Variants in DISC1 observed in about 807,000 individuals in gnomAD.
The protein encoded by DISC1 is DISC1 scaffold protein, also known as disrupted in schizophrenia 1 protein.
DISC1 carries 57 observed loss-of-function variants against 84.5 expected under a neutral mutation model. That is an observed-to-expected ratio of 0.67 (90% CI 0.55 to 0.84). The LOEUF is 0.84. Ranked by LOEUF, DISC1 falls within the 40% of genes least tolerant of loss-of-function variation. The pLI, the probability that DISC1 is intolerant of heterozygous loss-of-function variation, is 0.00. For missense variants in DISC1, 1,000 were observed against 1,057.8 expected, an observed-to-expected ratio of 0.95 and a Z score of 0.76; for synonymous variants, 411 against 415.2, an observed-to-expected ratio of 0.99 and a Z score of 0.12.
chr1:231,892,971 G>A (rs1399645246), intron 9 of DISC1, among the ~76,000 whole-genome samples: 3 of 152,034 alleles, frequency 2.0e-5, no homozygotes, highest in East Asian at 1.9e-4. Context: ...AGACTAGCCT[G>A]GCCAAAATGG....
At chr1:231,756,501 C>G (rs1481846460) in intron 4 of DISC1, among the ~76,000 whole-genome samples, 2 of 144,386 alleles carry the variant, frequency 1.4e-5, no homozygotes, top group South Asian at 4.4e-4. Context: ...GGTTCACAAA[C>G]GTATATGTGA....
At chr1:231,796,516 T>C (rs1474809539) in intron 7 of DISC1, among the ~76,000 whole-genome samples, 1 of 151,968 alleles carries the variant, frequency 6.6e-6, no homozygotes, top group Non-Finnish European at 1.5e-5. Flanking sequence ...AGGGATGTGA[T>C]GTTGGCAAAA....
intron 9 of DISC1, among the ~76,000 whole-genome samples, chr1:231,850,457 G>GTCC (rs1456263941): frequency 6.6e-6 from 1 of 152,232 alleles, no homozygotes; most frequent in Non-Finnish European, 1.5e-5. Flanking sequence ...TCTCTCACAT[G>GTCC]TCCTTGGGGT....
intron 6 of DISC1, among the ~76,000 whole-genome samples, chr1:231,788,539 A>G (rs995365296): frequency 6.6e-6 from 1 of 152,202 alleles, no homozygotes. Flanking sequence ...CTGCAGTCAC[A>G]TTCTGAGGTA....
At chr1:231,817,588 T>C (rs1444046070) in intron 8 of DISC1, among the ~76,000 whole-genome samples, 2 of 152,240 alleles carry the variant, frequency 1.3e-5, no homozygotes, top group Admixed American at 6.5e-5. Flanking sequence ...TAGTTTTCAC[T>C]GTAGAGCTCT....
chr1:231,654,017 G>A (rs1166988420), intron 1 of DISC1, among the ~76,000 whole-genome samples: 12 of 152,210 alleles, frequency 7.9e-5, no homozygotes, highest in Non-Finnish European at 2.9e-5. Context: ...GAGGGTGGGA[G>A]AACTTTCTTG....
chr1:231,663,000 GAAAC>G (rs1330686027), intron 1 of DISC1, among the ~76,000 whole-genome samples: 1 of 150,830 alleles, frequency 6.6e-6, no homozygotes, highest in African/African-American at 2.4e-5. Flanking sequence ...CAAAACAAAA[GAAAC>G]AAACAAGCAA....
At position 231,652,590 on chromosome 1, in the gene DISC1, G is replaced by T. The variant is rs186596122; in HGVS notation, c.67+25656G>T. ...AAAAATGTATGGGAGAAGATGAAAT[G>T]ATCACTGAAGTCACATATTCCTCAC... On this transcript the variant is annotated intron_variant, in intron 1 of 12. Coordinates refer to ENST00000439617, the MANE Select transcript of DISC1 (RefSeq NM_018662.3). Among the ~76,000 whole-genome samples the T allele has an allele frequency of 7.2e-4, 109 of 152,288 alleles. 1 individual carries two copies. Among genetic ancestry groups the T allele is most frequent in the African/African-American group, 2.5e-3 (102 of 41,568 alleles).
At chr1:231,738,368 C>T (rs1470887717) in intron 3 of DISC1, among the ~76,000 whole-genome samples, 1 of 152,224 alleles carries the variant, frequency 6.6e-6, no homozygotes. Context: ...AAGTTTCCTC[C>T]TGCTTGAGCA....
At chr1:231,756,098 A>G (rs1245258267) in intron 4 of DISC1, among the ~76,000 whole-genome samples, 4 of 152,240 alleles carry the variant, frequency 2.6e-5, no homozygotes, top group Non-Finnish European at 5.9e-5. Flanking sequence ...AGCATCTGCA[A>G]TAGACACTTA....
At chr1:231,831,437 T>C (rs540200125) in intron 9 of DISC1, among the ~76,000 whole-genome samples, 1 of 152,258 alleles carries the variant, frequency 6.6e-6, no homozygotes, top group African/African-American at 2.4e-5. Context: ...TTGCCTTGTG[T>C]GGGAAGAGAC....
chr1:231,704,759 CAAAAAAAAAA>C (rs146300199), intron 3 of DISC1, among the ~76,000 whole-genome samples: 2 of 24,328 alleles, frequency 8.2e-5, no homozygotes, highest in Non-Finnish European at 1.6e-4. Flanking sequence ...GACTCCGTCT[CAAAAAAAAAA>C]AAAAAAAAAA....
chr1:231,826,551 G>A lies in DISC1; in HGVS notation c.1981+8034G>A, dbSNP rs1984895. The stretch of plus-strand genomic sequence containing the variant: ...TGGATAATTTAACTCAGTAGTAGGA[G>A]GTTCTATAGGTTATCACCCTATGAA... On this transcript the variant is annotated intron_variant, in intron 9 of 12. Transcript: ENST00000439617. This position sits in a 1 kb window ranked among gnomAD's most constrained non-coding sequence, Gnocchi z 4.2. Among the ~76,000 whole-genome samples the A allele has an allele frequency of 0.23, 34,891 of 151,970 alleles. 4,297 individuals are homozygous for A. Among genetic ancestry groups the A allele is most frequent in the East Asian group, 0.41 (2,125 of 5,150 alleles).
chr1:231,813,075 A>G (rs2759346), intron 8 of DISC1, among the ~76,000 whole-genome samples: 84,453 of 151,902 alleles, frequency 0.56, 24,421 homozygotes, highest in Non-Finnish European at 0.63. Flanking sequence ...GATCTCTCCT[A>G]TGTTTTACCA....
At chr1:231,779,909 G>C (rs1358981283) in intron 6 of DISC1, among the ~76,000 whole-genome samples, 2 of 152,036 alleles carry the variant, frequency 1.3e-5, no homozygotes, top group African/African-American at 4.8e-5. Flanking sequence ...CTCCCTTAAA[G>C]TGCCTGCTAA....
chr1:231,885,196 G>T (rs892384950), intron 9 of DISC1, among the ~76,000 whole-genome samples: 1 of 152,074 alleles, frequency 6.6e-6, no homozygotes, highest in African/African-American at 2.4e-5. Context: ...TGAAACATAC[G>T]AAAAAATGAC....
In DISC1 at chr1:231,775,936, A is replaced by C. The variant is rs556499433; in HGVS notation, c.1634+4866A>C. On this transcript the variant is annotated intron_variant, in intron 6 of 12. Coordinates refer to ENST00000439617, the MANE Select transcript of DISC1 (RefSeq NM_018662.3). ...ATTGTGATGTGGGGGTGGGGGAGGGAGGAGAGGGAAAAGATGGGGGACACA... is the reference window on the plus strand; with the variant it reads ...ATTGTGATGTGGGGGTGGGGGAGGGCGGAGAGGGAAAAGATGGGGGACACA... 1.9e-4 allele frequency among the ~76,000 whole-genome samples: 29 copies of C among 151,250 alleles called. No individual in the cohort carries two copies. In the South Asian group the frequency reaches 3.8e-3, roughly 20 times the overall value.
intron 11 of DISC1, among the ~76,000 whole-genome samples, chr1:232,025,694 T>C (rs1265174119): frequency 2.6e-5 from 4 of 151,708 alleles, no homozygotes; most frequent in Admixed American, 1.3e-4. Flanking sequence ...CCTCCTGGGT[T>C]CACGCCATTC....
At chr1:231,712,305 T>C (rs2067976351) in intron 3 of DISC1, among the ~76,000 whole-genome samples, 1 of 152,246 alleles carries the variant, frequency 6.6e-6, no homozygotes, top group South Asian at 2.1e-4. Context: ...TAATTAGTTA[T>C]AGCAGCCACA....
Sources: allele counts gnomAD v4.1 joint callset (sites outside exome capture counted in the v4.1 genomes callset), GRCh38; gene constraint gnomAD v4.1.1; non-coding constraint Gnocchi (gnomAD v3.1); transcripts MANE v1.5; gene names NCBI Gene and HGNC (gene_info 2026-07-23, HGNC 2026-07-21).